PPP1R2: variants seen among roughly 807,000 people sequenced by gnomAD.
PPP1R2 encodes protein phosphatase 1 regulatory inhibitor subunit 2.
In PPP1R2, 16 loss-of-function variants were observed where a neutral mutation model predicts 29.9. That is an observed-to-expected ratio of 0.53 (90% CI 0.36 to 0.81). The LOEUF (loss-of-function observed/expected upper bound fraction) is 0.81. Ranked by LOEUF, PPP1R2 falls within the 30% of genes least tolerant of loss-of-function variation. The probability of loss-of-function intolerance (pLI) is 0.00; values close to 1 mark genes in which losing one functional copy is unlikely to be tolerated. For synonymous variants in PPP1R2, 76 were observed against 91.5 expected (o/e 0.83, Z 0.96); for missense variants, 197 against 252.7 (o/e 0.78, Z 1.49).
chr3:195,538,551 G>A (rs1424559028), intron 1 of PPP1R2, among the ~76,000 whole-genome samples: 1 of 152,078 alleles, frequency 6.6e-6, no homozygotes, highest in Non-Finnish European at 1.5e-5. Context: ...GTAAACCTCT[G>A]ACTATAATAT....
At chr3:195,522,436 C>T (rs899836227) in intron 4 of PPP1R2, among the ~76,000 whole-genome samples, 13 of 152,178 alleles carry the variant, frequency 8.5e-5, no homozygotes, top group African/African-American at 2.9e-4. Flanking sequence ...AGTCAAATGG[C>T]TCCCCCTGCT....
chr3:195,528,106 G>A (rs1171019726), intron 2 of PPP1R2, among the ~76,000 whole-genome samples: 1 of 152,022 alleles, frequency 6.6e-6, no homozygotes, highest in Non-Finnish European at 1.5e-5. Context: ...CCCGAGCAGT[G>A]TACACGGCAC....
chr3:195,533,404 C>T (rs1473883772), intron 1 of PPP1R2, among the ~76,000 whole-genome samples: 1 of 150,292 alleles, frequency 6.7e-6, no homozygotes, highest in African/African-American at 2.4e-5. Flanking sequence ...TAGTTTGTTG[C>T]TCCAGTAAAT....
At position 195,533,816 on chromosome 3, in the gene PPP1R2, ATGATT is replaced by A. The variant is rs529192313; in HGVS notation, c.123-3920_123-3916del. On this transcript the variant is annotated intron_variant, in intron 1 of 5. Transcript: ENST00000618156. ...ATTGTACAAGACTATAGACTCTAAT[ATGATT>A]TGAGAAAAAATGATGTCACTATATG... Among the ~76,000 whole-genome samples the A allele has an allele frequency of 2.0e-3, 308 of 152,330 alleles. 1 individual carries two copies. The highest frequency in any genetic ancestry group is 7.0e-3 in the African/African-American group (290 of 41,578).
chr3:195,519,035 G>A lies in PPP1R2; in HGVS notation c.554C>T (p.Thr185Met), dbSNP rs35626050. Residue 185 changes from threonine to methionine, a missense_variant, in exon 5 of 6, where the codon ACG becomes ATG. Thr to Met is a moderately conservative substitution (Grantham distance 81). This residue lies in a region of PPP1R2 where 135 missense variants were observed against 163.0 expected (regional missense o/e 0.83). Coordinates refer to ENST00000618156, the MANE Select transcript of PPP1R2 (RefSeq NM_006241.8). Reference protein sequence around the residue: ...LETADGESMNTEESNQGSTPS... With the variant: ...LETADGESMNMEESNQGSTPS... ...CATCTAACCTTGATTTGATTCTTCC[G>A]TATTCATGCTTTCTCCATCTGCAGT... 1.1e-3 allele frequency: 1,704 copies of A among 1,604,604 alleles called. 21 individuals are homozygous for A. The African/African-American group carries it at 0.02, about 19-fold the overall frequency.
intron 1 of PPP1R2, among the ~76,000 whole-genome samples, chr3:195,532,592 A>T (rs1468575853): frequency 1.3e-5 from 2 of 152,174 alleles, no homozygotes; most frequent in African/African-American, 4.8e-5. Context: ...TTCAAGTTTC[A>T]GTTACCCTTT....
intron 1 of PPP1R2, among the ~76,000 whole-genome samples, chr3:195,531,358 A>G (rs1358850865): frequency 1.3e-5 from 2 of 152,192 alleles, no homozygotes; most frequent in Admixed American, 1.3e-4. Flanking sequence ...GATTTAAATA[A>G]TGCTTTCCAC....
chr3:195,524,019 T>C (rs770006409), intron 3 of PPP1R2, among the ~76,000 whole-genome samples: 16 of 151,856 alleles, frequency 1.1e-4, no homozygotes, highest in East Asian at 1.9e-4. Flanking sequence ...ACCCAGGAGT[T>C]TGAGGTTGCA....
intron 1 of PPP1R2, among the ~76,000 whole-genome samples, chr3:195,537,827 C>T (rs551911804): frequency 1.2e-3 from 189 of 152,006 alleles, no homozygotes; most frequent in Non-Finnish European, 1.5e-3. Flanking sequence ...AAAAAGACAA[C>T]AATAGCTTGC....
In PPP1R2 at chr3:195,516,031, C is replaced by A. The variant is rs148383414; in HGVS notation, c.*865G>T. The A allele has an allele frequency of 5.0e-4, 76 of 152,042 alleles. No homozygotes were observed. Among genetic ancestry groups the A allele is most frequent in the African/African-American group, 1.7e-3 (72 of 41,472 alleles). The allele number at this position is 152,042 out of a possible 1,614,324, so 9.4% of individuals were successfully genotyped here. ...CTAATGTGGTGACAGTCTTAATGAT[C>A]CTTTAAAAGGTAGAAGATTGTGTGC... is the stretch of plus-strand genomic sequence containing the variant. On this transcript the variant is annotated 3_prime_UTR_variant, in exon 6 of 6. Coordinates refer to ENST00000618156, the MANE Select transcript of PPP1R2 (RefSeq NM_006241.8).
chr3:195,527,869 CTTT>C (rs745651540), intron 2 of PPP1R2: 9 of 314,118 alleles, frequency 2.9e-5, no homozygotes, highest in Admixed American at 4.7e-5. Context: ...GATCTTGTAT[CTTT>C]TTTTTTTTTT....
intron 1 of PPP1R2, among the ~76,000 whole-genome samples, chr3:195,532,287 G>A (rs1371531150): frequency 1.4e-5 from 2 of 143,164 alleles, no homozygotes; most frequent in African/African-American, 5.1e-5. Context: ...CTGGCCTCAA[G>A]CAATTCCCCT....
Position 195,542,744 on chromosome 3 carries a change from C to A in PPP1R2, c.122+160G>T, listed in dbSNP as rs1381706265. Among the ~76,000 whole-genome samples, 4 of 152,186 alleles carry A rather than the reference C, an allele frequency of 2.6e-5. No homozygotes were observed. In the East Asian group the frequency reaches 7.7e-4, roughly 29 times the overall value. ...AAGCATGATAAACGTCATCGCCCAGCCTTCTTAAAGATCGCTCCCACCCGC... is the reference window on the plus strand; with the variant it reads ...AAGCATGATAAACGTCATCGCCCAGACTTCTTAAAGATCGCTCCCACCCGC... On this transcript the variant is annotated intron_variant, in intron 1 of 5. Transcript: ENST00000618156.
chr3:195,535,238 G>A (rs1403736667), intron 1 of PPP1R2, among the ~76,000 whole-genome samples: 2 of 152,210 alleles, frequency 1.3e-5, no homozygotes, highest in African/African-American at 4.8e-5. Flanking sequence ...ACACTCCTAT[G>A]AGAATCTAAT....
At chr3:195,533,898 C>T (rs371704192) in intron 1 of PPP1R2, among the ~76,000 whole-genome samples, 19 of 152,208 alleles carry the variant, frequency 1.2e-4, no homozygotes, top group African/African-American at 3.9e-4. Flanking sequence ...GAATTTAATG[C>T]GAGCAAACAA....
At chr3:195,528,497 T>C (rs1719057997) in intron 2 of PPP1R2, among the ~76,000 whole-genome samples, 1 of 152,092 alleles carries the variant, frequency 6.6e-6, no homozygotes, top group Non-Finnish European at 1.5e-5. Context: ...TAACAGGTTA[T>C]TTCAAATTAT....
At chr3:195,529,726 T>C in intron 2 of PPP1R2, 68 bp downstream of exon 2, 2 of 1,144,614 alleles carry the variant, frequency 1.7e-6, no homozygotes, top group East Asian at 2.4e-5. Flanking sequence ...TAGGCTGTTA[T>C]CCAGACGTTC....
intron 1 of PPP1R2, among the ~76,000 whole-genome samples, chr3:195,531,007 G>C (rs1719159795): frequency 6.6e-6 from 1 of 151,688 alleles, no homozygotes; most frequent in Non-Finnish European, 1.5e-5. Context: ...ATTTTTGGTA[G>C]AGACGGGGTT....
intron 3 of PPP1R2, among the ~76,000 whole-genome samples, chr3:195,524,284 G>A (rs1266681789): frequency 6.6e-6 from 1 of 152,172 alleles, no homozygotes; most frequent in African/African-American, 2.4e-5. Context: ...AACTTTAGGA[G>A]GCTGAAACCA....
Sources: gnomAD v4.1 joint callset for allele counts (sites outside exome capture counted in the v4.1 genomes callset) on GRCh38, gnomAD v4.1.1 for gene constraint, gnomAD v4.1.1 regional missense constraint, MANE v1.5 for transcripts, NCBI Gene and HGNC (gene_info 2026-07-23, HGNC 2026-07-21) for gene names.